Variants in FGD6 observed in about 807,000 individuals in gnomAD.
FGD6 encodes the protein FYVE, RhoGEF and PH domain-containing protein 6.
Under a neutral mutation model 149.4 loss-of-function variants are expected in FGD6, and 90 were observed. That is an observed-to-expected ratio of 0.60 (90% confidence interval 0.51 to 0.72). The LOEUF is 0.72. Ranked by LOEUF, FGD6 falls within the 30% of genes least tolerant of loss-of-function variation. FGD6 has a pLI of 0.00. For missense variants in FGD6, 1,437 were observed against 1,684.8 expected (o/e 0.85, Z 2.57); for synonymous variants, 527 against 584.0 (o/e 0.90, Z 1.41).
At chr12:95,108,679 A>C (rs1807537968) in intron 9 of FGD6, 118 bp from the exon 10 acceptor site, 1 of 1,156,930 alleles carries the variant, frequency 8.6e-7, no homozygotes, top group Admixed American at 2.1e-5. Flanking sequence ...CCTCTGGAGG[A>C]GCTTATTGAC....
In FGD6 at chr12:95,173,214, G is replaced by A. The variant is rs562802596; in HGVS notation, c.2442-470C>T. Among the ~76,000 whole-genome samples, 8 of 152,304 alleles carry A rather than the reference G, an allele frequency of 5.3e-5. No homozygotes were observed. The East Asian group carries it at 1.5e-3, about 29-fold the overall frequency. ...AATAATGGTGACGACAATCAACAGT[G>A]CAGGTGCAACTGTGAACATGTACCC... On this transcript the variant is annotated intron_variant, in intron 2 of 20. Transcript: ENST00000343958.
chr12:95,085,960 A>T lies in FGD6; in HGVS notation c.3979-52T>A, dbSNP rs750243790. ...TAATGGTTTTCAGACAAATTATAACAGCAAAATTATTTGCAACCAATAGGT... is the reference window on the plus strand; with the variant it reads ...TAATGGTTTTCAGACAAATTATAACTGCAAAATTATTTGCAACCAATAGGT... On this transcript the variant is annotated intron_variant, in intron 18 of 20. Transcript: ENST00000343958. The T allele has an allele frequency of 1.9e-6, 3 of 1,539,762 alleles. No homozygotes were observed. In the African/African-American group the frequency reaches 4.2e-5, roughly 21 times the overall value.
At chr12:95,127,085 C>CTAGA (rs1879366884) in intron 8 of FGD6, among the ~76,000 whole-genome samples, 1 of 151,796 alleles carries the variant, frequency 6.6e-6, no homozygotes, top group Non-Finnish European at 1.5e-5. Flanking sequence ...AACTAGATAA[C>CTAGA]TAGATTCCTT....
chr12:95,093,334 T>C (rs1297064382), intron 15 of FGD6, among the ~76,000 whole-genome samples: 2 of 151,152 alleles, frequency 1.3e-5, no homozygotes, highest in African/African-American at 2.4e-5. Flanking sequence ...GATCACAAGG[T>C]CAGGAGATGA....
chr12:95,165,336 CTT>C (rs764144447), intron 3 of FGD6, among the ~76,000 whole-genome samples: 16 of 141,750 alleles, frequency 1.1e-4, no homozygotes, highest in East Asian at 2.0e-4. Context: ...TTCTTTTTTT[CTT>C]TTTTTTTTTT....
chr12:95,201,387 C>A (rs2056661418), intron 2 of FGD6, among the ~76,000 whole-genome samples: 1 of 152,154 alleles, frequency 6.6e-6, no homozygotes, highest in Non-Finnish European at 1.5e-5. Flanking sequence ...AACTTCACTG[C>A]TGTTTTATTA....
chr12:95,103,189 T>C (rs1878504883), intron 14 of FGD6, among the ~76,000 whole-genome samples: 1 of 152,218 alleles, frequency 6.6e-6, no homozygotes, highest in African/African-American at 2.4e-5. Context: ...AACGAAGTAC[T>C]ACACATAAAG....
intron 9 of FGD6, among the ~76,000 whole-genome samples, chr12:95,112,130 G>C (rs1372474115): frequency 6.6e-6 from 1 of 151,968 alleles, no homozygotes; most frequent in Non-Finnish European, 1.5e-5. Flanking sequence ...ACTACTTGGA[G>C]GGCTGAGGCA....
intron 2 of FGD6, among the ~76,000 whole-genome samples, chr12:95,197,974 T>C (rs1040722374): frequency 6.6e-6 from 1 of 152,224 alleles, no homozygotes; most frequent in Non-Finnish European, 1.5e-5. Flanking sequence ...GAACTCTTCC[T>C]GCATGAAAAA....
chr12:95,172,757 G>C lies in FGD6; in HGVS notation c.2442-13C>G. ...GGATGCTCCTGAACTGCATTCAACA[G>C]AAAGCAGGTATTAGTCACCTTCAAT... is the stretch of plus-strand genomic sequence containing the variant. On this transcript the variant is annotated splice_polypyrimidine_tract_variant and intron_variant, in intron 2 of 20. Transcript: ENST00000343958. The C allele has an allele frequency of 6.4e-7, 1 of 1,565,916 alleles. No homozygotes were observed.
In FGD6 at chr12:95,175,346, A is replaced by G. The variant is rs149516665; in HGVS notation, c.2442-2602T>C. ...CCCTCAAGAATTTTTCACCAAATAA[A>G]TGAAAATGATATCAGAAAGCAACAG... On this transcript the variant is annotated intron_variant, in intron 2 of 20. Transcript: ENST00000343958. Among the ~76,000 whole-genome samples the G allele has an allele frequency of 3.9e-5, 6 of 152,334 alleles. No individual in the cohort carries two copies. The East Asian group carries it at 7.7e-4, about 20-fold the overall frequency.
At chr12:95,185,126 G>A (rs368289855) in intron 2 of FGD6, among the ~76,000 whole-genome samples, 8 of 152,102 alleles carry the variant, frequency 5.3e-5, no homozygotes, top group Admixed American at 1.3e-4. Flanking sequence ...TGCCTGCCTC[G>A]GCCTCCCAAA....
chr12:95,190,307 T>C (rs1043409296), intron 2 of FGD6, among the ~76,000 whole-genome samples: 1 of 152,134 alleles, frequency 6.6e-6, no homozygotes, highest in Admixed American at 6.5e-5. Flanking sequence ...GTAGCTGAGA[T>C]TACAGGCGGC....
At position 95,085,773 on chromosome 12, in the gene FGD6, A is replaced by C; in HGVS notation, c.4107+7T>G. 6.3e-7 allele frequency: 1 copy of C among 1,598,030 alleles called. No homozygotes were observed. Among genetic ancestry groups the C allele is most frequent in the Non-Finnish European group, 8.5e-7 (1 of 1,175,922 alleles). On this transcript the variant is annotated splice_region_variant and intron_variant, in intron 19 of 20. Coordinates refer to ENST00000343958, the MANE Select transcript of FGD6 (RefSeq NM_018351.4). ...CAAATTACTCATCTTTAGATTTCAG[A>C]TCTTACCTCACTTGCAGCATATGTA...
chr12:95,144,546 C>T (rs1051914141), intron 5 of FGD6, among the ~76,000 whole-genome samples: 2 of 151,972 alleles, frequency 1.3e-5, no homozygotes, highest in Non-Finnish European at 2.9e-5. Flanking sequence ...GCATGTGCCA[C>T]CACACCTGGC....
chr12:95,091,795 A>C lies in FGD6; in HGVS notation c.3762T>G (p.Ala1254=). Residue 1254 remains alanine (A), a synonymous_variant, in exon 17 of 21, where the codon GCT becomes GCG. Transcript: ENST00000343958. The part of the protein sequence containing the change: ...CRACGKIVCQ[A]CSSNKYGLDY... ...CTAAGCCATACTTATTAGACGAACA[A>C]GCTTGGCATACAATCTGAAAACACA... The C allele has an allele frequency of 6.2e-7, 1 of 1,612,316 alleles. No individual in the cohort carries two copies.
intron 8 of FGD6, among the ~76,000 whole-genome samples, chr12:95,122,671 G>T (rs1416934667): frequency 7.5e-6 from 1 of 133,452 alleles, no homozygotes; most frequent in Non-Finnish European, 1.6e-5. Context: ...AAAAAAAAAG[G>T]CTCTGGCCTT....
intron 3 of FGD6, among the ~76,000 whole-genome samples, chr12:95,160,550 T>C (rs570800201): frequency 6.6e-6 from 1 of 152,312 alleles, no homozygotes; most frequent in East Asian, 1.9e-4. Flanking sequence ...ACTTCAGTGA[T>C]GGCCCAACCC....
rs138002280 is a variant in FGD6 at position 95,084,507 on chromosome 12, G to A, written c.4247C>T (p.Ser1416Leu). 1,567 of 1,561,514 alleles carry A rather than the reference G, an allele frequency of 1.0e-3. 1 individual carries two copies. Among genetic ancestry groups the A allele is most frequent in the Non-Finnish European group, 1.2e-3 (1,431 of 1,161,748 alleles). ...TGGCCAGATTACTTACTTCTGAGCC[G>A]AATGAGCATCCTCTGCTTTGAATAC... Reference protein sequence around the residue: ...FYVFKAEDAHSAQKWIEAFQE... With the variant: ...FYVFKAEDAHLAQKWIEAFQE... The change falls in exon 20 of 21, where the codon TCG becomes TTG. Residue 1416 changes from serine (S) to leucine (L), a missense_variant. Ser to Leu is a moderately radical substitution (Grantham distance 145). Around this residue, in one of 2 missense-constraint regions of FGD6, gnomAD observed 382 missense variants for 538.7 expected, o/e 0.71. Coordinates refer to ENST00000343958, the MANE Select transcript of FGD6 (RefSeq NM_018351.4).
Sources: allele counts gnomAD v4.1 joint callset (sites outside exome capture counted in the v4.1 genomes callset), GRCh38; gene constraint gnomAD v4.1.1; regional missense constraint gnomAD v4.1.1; transcripts MANE v1.5; gene names NCBI Gene and HGNC (gene_info 2026-07-23, HGNC 2026-07-21).